Variants in SUCO observed in about 807,000 individuals in gnomAD.
SUCO encodes SUN domain containing ossification factor.
SUCO carries 57 observed loss-of-function variants against 148.1 expected under a neutral mutation model. The ratio of observed to expected loss-of-function variants is 0.38; its 90% CI spans 0.31 to 0.48. The LOEUF is 0.48. SUCO is among the 20% of genes least tolerant of loss of function. The probability of loss-of-function intolerance (pLI) is 0.96; values close to 1 mark genes in which losing one functional copy is unlikely to be tolerated. For synonymous variants in SUCO, 470 were observed against 502.7 expected, an observed-to-expected ratio of 0.93 and a Z score of 0.87; for missense variants, 1,331 against 1,468.2, an observed-to-expected ratio of 0.91 and a Z score of 1.53.
At chr1:172,556,491 T>G (rs1223292710) in intron 4 of SUCO, 1 of 482,078 alleles carries the variant, frequency 2.1e-6, no homozygotes, top group Non-Finnish European at 2.7e-6. Flanking sequence ...TTTAGAAAAT[T>G]TGTTATGTAC....
intron 1 of SUCO, among the ~76,000 whole-genome samples, chr1:172,540,185 G>A (rs752701405): frequency 2.1e-4 from 32 of 152,350 alleles, no homozygotes; most frequent in Admixed American, 7.2e-4. Context: ...AAGCAACAGA[G>A]CCAGAACTAA....
chr1:172,602,998 G>T, intron 22 of SUCO: 1 of 466,368 alleles, frequency 2.1e-6, no homozygotes, highest in African/African-American at 2.0e-5. Context: ...GGGGGGCTTA[G>T]TTTAATTAGC....
intron 17 of SUCO, chr1:172,588,064 G>T: frequency 7.1e-6 from 7 of 983,392 alleles, no homozygotes; most frequent in Non-Finnish European, 8.5e-6. Context: ...TGTTATTAAA[G>T]TGGTTAGGTA....
chr1:172,548,433 A>T (rs894742784), intron 1 of SUCO, among the ~76,000 whole-genome samples: 11 of 151,916 alleles, frequency 7.2e-5, no homozygotes, highest in African/African-American at 2.7e-4. Flanking sequence ...GCCTATCCAT[A>T]TATCCTTCCT....
intron 1 of SUCO, among the ~76,000 whole-genome samples, chr1:172,534,975 A>G (rs1254781817): frequency 6.6e-6 from 1 of 152,180 alleles, no homozygotes; most frequent in Non-Finnish European, 1.5e-5. Context: ...TTAATTTTTT[A>G]ATTGGATGGT....
At chr1:172,583,166 A>G (rs1257730177) in intron 15 of SUCO, among the ~76,000 whole-genome samples, 4 of 152,102 alleles carry the variant, frequency 2.6e-5, no homozygotes, top group Non-Finnish European at 5.9e-5. Flanking sequence ...AGGAAATAAC[A>G]GTTTCCATTC....
rs1658160477 is a variant in SUCO at position 172,610,671 on chromosome 1, TTC to T, written c.*414_*415del. ...CCACTGGAAGAGGAGGGATAACTTT[TTC>T]TGTTATTTGATTTCTTTTATAACTT... On this transcript the variant is annotated 3_prime_UTR_variant, in exon 24 of 24. Coordinates refer to ENST00000263688, the MANE Select transcript of SUCO (RefSeq NM_014283.5). 1 of 155,870 alleles carries T rather than the reference TTC, an allele frequency of 6.4e-6. No individual in the cohort carries two copies. Among genetic ancestry groups the T allele is most frequent in the Non-Finnish European group, 1.4e-5 (1 of 70,462 alleles). The allele number at this position is 155,870 out of a possible 1,614,324, so 9.7% of individuals were successfully genotyped here. A position where few individuals can be genotyped will look rare whatever the true frequency, so the allele number is the denominator to read the frequency against.
At chr1:172,569,987 A>G in intron 7 of SUCO, 60 bp from the exon 8 acceptor site, 1 of 1,293,552 alleles carries the variant, frequency 7.7e-7, no homozygotes, top group South Asian at 2.7e-5. Context: ...TGCTAGAGGT[A>G]TTTTCAGTCA....
intron 6 of SUCO, among the ~76,000 whole-genome samples, chr1:172,562,327 A>ATTTTTTTTTT (rs34871543): frequency 7.3e-5 from 10 of 137,706 alleles, no homozygotes; most frequent in Non-Finnish European, 1.1e-4. Flanking sequence ...GGGTTTTAAC[A>ATTTTTTTTTT]TTTTTTTTTT....
intron 22 of SUCO, 76 bp downstream of exon 22, chr1:172,602,863 G>T: frequency 7.7e-7 from 1 of 1,297,446 alleles, no homozygotes; most frequent in Non-Finnish European, 1.1e-6. Context: ...TGTCAGTGTT[G>T]TGTTCATGAC....
At chr1:172,573,824 AAT>A in intron 9 of SUCO, 65 bp from the exon 10 acceptor site, 1 of 866,098 alleles carries the variant, frequency 1.2e-6, no homozygotes, top group Non-Finnish European at 1.8e-6. Context: ...GGAAACTGTT[AAT>A]GTCATATTTA....
intron 9 of SUCO, among the ~76,000 whole-genome samples, chr1:172,573,414 C>G (rs1201617495): frequency 6.6e-6 from 1 of 152,040 alleles, no homozygotes; most frequent in Non-Finnish European, 1.5e-5. Context: ...CCCCCCTGCC[C>G]TTATAGACTG....
At chr1:172,571,589 G>T (rs1432886948) in intron 9 of SUCO, among the ~76,000 whole-genome samples, 1 of 143,194 alleles carries the variant, frequency 7.0e-6, no homozygotes, top group Non-Finnish European at 1.5e-5. Flanking sequence ...TCTCTGCCCG[G>T]CCGCCATCCC....
chr1:172,536,628 C>T (rs1652041273), intron 1 of SUCO, among the ~76,000 whole-genome samples: 1 of 152,136 alleles, frequency 6.6e-6, no homozygotes, highest in Non-Finnish European at 1.5e-5. Context: ...TTTCTTATGC[C>T]TGCTGTAGCA....
chr1:172,588,677 T>C (rs1485204726), intron 17 of SUCO, 83 bp from the exon 18 acceptor site: 2 of 1,294,092 alleles, frequency 1.5e-6, no homozygotes, highest in Non-Finnish European at 2.0e-6. Context: ...ATCTTCTGTA[T>C]GGATACATTT....
At chr1:172,532,945 C>A, upstream of SUCO, 2 of 1,364,562 alleles carry the variant, frequency 1.5e-6, no homozygotes, top group Non-Finnish European at 1.9e-6. Flanking sequence ...TCCGGCTTCT[C>A]CGCCTGCGAC....
chr1:172,609,488 G>A (rs1013180110), intron 23 of SUCO: 2 of 908,338 alleles, frequency 2.2e-6, no homozygotes, highest in East Asian at 2.4e-4. Flanking sequence ...CGACCTTTCA[G>A]GGTTAATAGC....
intron 15 of SUCO, among the ~76,000 whole-genome samples, chr1:172,581,706 A>G (rs867233369): frequency 2.6e-5 from 4 of 152,076 alleles, no homozygotes; most frequent in African/African-American, 9.7e-5. Flanking sequence ...CCATTTTGAA[A>G]CTAGTTTTTT....
chr1:172,576,436 T>C (rs1198712893), intron 11 of SUCO, among the ~76,000 whole-genome samples: 1 of 151,706 alleles, frequency 6.6e-6, no homozygotes, highest in East Asian at 1.9e-4. Context: ...GGTAAACTTG[T>C]AGTATTCTTA....
Sources: gnomAD v4.1 joint callset for allele counts (sites outside exome capture counted in the v4.1 genomes callset) on GRCh38, gnomAD v4.1.1 for gene constraint, MANE v1.5 for transcripts, NCBI Gene and HGNC (gene_info 2026-07-23, HGNC 2026-07-21) for gene names.